The following CBL variants were observed in gnomAD, a reference collection of about 807,000 sequenced individuals.
The protein encoded by CBL is Cbl proto-oncogene.
In CBL, 45 loss-of-function variants were observed where a neutral mutation model predicts 96.9. The ratio of observed to expected loss-of-function variants is 0.46; its 90% CI spans 0.37 to 0.60. CBL has a LOEUF of 0.60. Among genes scored for constraint, CBL ranks in the 20% least tolerant of loss-of-function variants. CBL has a pLI of 0.00. For synonymous variants in CBL, 420 were observed against 426.8 expected, an observed-to-expected ratio of 0.98 and a Z score of 0.20; for missense variants, 1,024 against 1,143.5, an observed-to-expected ratio of 0.90 and a Z score of 1.51.
At chr11:119,216,874 G>A (rs893938729) in intron 1 of CBL, among the ~76,000 whole-genome samples, 2 of 151,958 alleles carry the variant, frequency 1.3e-5, no homozygotes, top group African/African-American at 4.8e-5. Flanking sequence ...TCTTATCCTC[G>A]GTTACTCCGA....
At chr11:119,269,898 G>C (rs983882176) in intron 2 of CBL, among the ~76,000 whole-genome samples, 34 of 152,134 alleles carry the variant, frequency 2.2e-4, no homozygotes, top group Non-Finnish European at 4.1e-4. Context: ...TCGGGAGGCA[G>C]AGGCAGGAGA....
At chr11:119,297,101 T>C (rs1438216311) in intron 13 of CBL, 67 bp downstream of exon 13, 75 of 857,566 alleles carry the variant, frequency 8.7e-5, no homozygotes. Context: ...CTTCACCTGC[T>C]TGGCTTGCTA....
chr11:119,304,647 G>C lies in CBL; in HGVS notation c.*4866G>C. 1 of 214,370 alleles carries C rather than the reference G, an allele frequency of 4.7e-6. No individual in the cohort carries two copies. The highest frequency in any genetic ancestry group is 6.8e-5 in the East Asian group (1 of 14,700). The allele number at this position is 214,370 out of a possible 1,614,324, so 13.3% of individuals were successfully genotyped here. A position where few individuals can be genotyped will look rare whatever the true frequency, so the allele number is the denominator to read the frequency against. On this transcript the variant is annotated 3_prime_UTR_variant, in exon 16 of 16. Coordinates refer to ENST00000264033, the MANE Select transcript of CBL (RefSeq NM_005188.4). ...CATACTTAATTTTTTTTTTTTTTGA[G>C]ATGGAGTCTCGCTGTGTCGCCCAGG...
chr11:119,216,622 G>A (rs867448634), intron 1 of CBL, among the ~76,000 whole-genome samples: 13 of 151,920 alleles, frequency 8.6e-5, no homozygotes, highest in African/African-American at 2.9e-4. Flanking sequence ...CGCCTGCCTC[G>A]GCCTCCCAAA....
At chr11:119,229,737 T>G (rs1949487045) in intron 1 of CBL, among the ~76,000 whole-genome samples, 1 of 152,050 alleles carries the variant, frequency 6.6e-6, no homozygotes, top group South Asian at 2.1e-4. Context: ...TTTTGTTTTT[T>G]TTTTTTCTTG....
intron 1 of CBL, among the ~76,000 whole-genome samples, chr11:119,207,269 T>C (rs1026106210): frequency 6.6e-6 from 1 of 152,230 alleles, no homozygotes; most frequent in East Asian, 1.9e-4. Flanking sequence ...ACACTGGATG[T>C]GATCCATTGC....
chr11:119,283,772 G>C (rs939097882), intron 9 of CBL, among the ~76,000 whole-genome samples: 13 of 150,456 alleles, frequency 8.6e-5, no homozygotes, highest in Admixed American at 2.0e-4. Context: ...TGAATAGCTG[G>C]GACTACAGGC....
At chr11:119,250,508 C>A (rs1205745263) in intron 2 of CBL, among the ~76,000 whole-genome samples, 1 of 152,152 alleles carries the variant, frequency 6.6e-6, no homozygotes, top group African/African-American at 2.4e-5. Context: ...TCTTCTCAAC[C>A]CAGAGTGACC....
Position 119,296,850 on chromosome 11 carries a change from T to C in CBL, c.2037-68T>C. The C allele has an allele frequency of 3.7e-6, 3 of 808,404 alleles. No individual in the cohort carries two copies. The South Asian group carries it at 4.1e-5, about 11-fold the overall frequency. 50.1% of individuals were successfully genotyped at this position (808,404 alleles called of 1,614,324 possible). A position where few individuals can be genotyped will look rare whatever the true frequency, so the allele number is the denominator to read the frequency against. On this transcript the variant is annotated intron_variant, in intron 12 of 15. Coordinates refer to ENST00000264033, the MANE Select transcript of CBL (RefSeq NM_005188.4). ...TTGAGTTATGTCTGTTTTTAAGCCATTTATTTTATACTTCAAAGTTTACTG... is the reference window on the plus strand; with the variant it reads ...TTGAGTTATGTCTGTTTTTAAGCCACTTATTTTATACTTCAAAGTTTACTG...
At position 119,222,380 on chromosome 11, in the gene CBL, C is replaced by G. The variant is rs552140246; in HGVS notation, c.196-10068C>G. ...GATCATAACACTTTCCAAATTTTTT[C>G]TATTGACCATTGAGTCTTGGCAGAA... On this transcript the variant is annotated intron_variant, in intron 1 of 15. Transcript: ENST00000264033. Among the ~76,000 whole-genome samples the G allele has an allele frequency of 7.2e-5, 11 of 152,248 alleles. No homozygotes were observed. The East Asian group carries it at 2.1e-3, about 29-fold the overall frequency.
intron 2 of CBL, among the ~76,000 whole-genome samples, chr11:119,235,296 G>A (rs894820972): frequency 5.9e-5 from 9 of 151,916 alleles, no homozygotes; most frequent in Admixed American, 3.9e-4. Flanking sequence ...TGTATTTTTA[G>A]TAGTGACAGG....
chr11:119,262,396 G>A (rs1176068407), intron 2 of CBL, among the ~76,000 whole-genome samples: 1 of 152,180 alleles, frequency 6.6e-6, no homozygotes, highest in Non-Finnish European at 1.5e-5. Flanking sequence ...CTGGGATTCA[G>A]TTAGTACTAC....
rs1399127459 is a variant in CBL at position 119,299,709 on chromosome 11, C to T, written c.2649C>T (p.Asn883=). The T allele has an allele frequency of 2.5e-6, 4 of 1,614,210 alleles. No individual in the cohort carries two copies. In the South Asian group the frequency reaches 4.4e-5, roughly 18 times the overall value. ...DIQKALVIAQ[N]NIEMAKNILR... is the part of the protein sequence containing the mutation. ...AGAAAGCTTTGGTCATTGCCCAGAA[C>T]AACATCGAGATGGCCAAAAACATCC... is the stretch of plus-strand genomic sequence containing the variant. Residue 883 remains asparagine, a synonymous_variant, in exon 16 of 16, where the codon AAC becomes AAT. Coordinates refer to ENST00000264033, the MANE Select transcript of CBL (RefSeq NM_005188.4).
At chr11:119,259,591 G>C (rs975401897) in intron 2 of CBL, among the ~76,000 whole-genome samples, 2 of 151,990 alleles carry the variant, frequency 1.3e-5, no homozygotes, top group Non-Finnish European at 2.9e-5. Flanking sequence ...AAATATTTCT[G>C]GTGGGAGAAT....
chr11:119,230,145 GTTTTTGT>G (rs1949490018), intron 1 of CBL, among the ~76,000 whole-genome samples: 1 of 151,312 alleles, frequency 6.6e-6, no homozygotes. Context: ...AAGAAAATAG[GTTTTTGT>G]TTTTTGTTTT....
intron 1 of CBL, among the ~76,000 whole-genome samples, chr11:119,218,852 T>C (rs1949383875): frequency 6.6e-6 from 1 of 152,052 alleles, no homozygotes; most frequent in African/African-American, 2.4e-5. Flanking sequence ...GTGAAAGCTG[T>C]TAAGAAAAGA....
chr11:119,268,016 G>C (rs1395143134), intron 2 of CBL, among the ~76,000 whole-genome samples: 3 of 152,198 alleles, frequency 2.0e-5, no homozygotes, highest in Admixed American at 1.3e-4. Context: ...AAGAAGAGAG[G>C]CAGGTGTAAG....
chr11:119,286,615 A>C (rs1949986505), intron 11 of CBL, among the ~76,000 whole-genome samples: 1 of 152,198 alleles, frequency 6.6e-6, no homozygotes. Context: ...AGGAGAAAGA[A>C]CTGGAAAGGA....
At chr11:119,293,589 G>T (rs1470786332) in intron 12 of CBL, among the ~76,000 whole-genome samples, 4 of 152,010 alleles carry the variant, frequency 2.6e-5, no homozygotes, top group African/African-American at 9.7e-5. Flanking sequence ...ATAGCTCTAG[G>T]GAAAATTGCT....
Sources: gnomAD v4.1 joint callset for allele counts (sites outside exome capture counted in the v4.1 genomes callset) on GRCh38, gnomAD v4.1.1 for gene constraint, MANE v1.5 for transcripts, NCBI Gene and HGNC (gene_info 2026-07-23, HGNC 2026-07-21) for gene names.